Variants in CDK6 observed in about 807,000 individuals in gnomAD.
The protein encoded by CDK6 is cyclin dependent kinase 6, also known as cyclin-dependent kinase 6.
CDK6 carries 6 observed loss-of-function variants against 37.1 expected under a neutral mutation model. The ratio of observed to expected loss-of-function variants is 0.16; its 90% confidence interval spans 0.09 to 0.32. CDK6 has a LOEUF of 0.32. Among genes scored for constraint, CDK6 ranks in the 10% least tolerant of loss-of-function variants. The probability of loss-of-function intolerance (pLI) is 1.00; values close to 1 mark genes in which losing one functional copy is unlikely to be tolerated. For synonymous variants in CDK6, 160 were observed against 161.3 expected, an observed-to-expected ratio of 0.99 and a Z score of 0.06; for missense variants, 224 against 418.9, an observed-to-expected ratio of 0.53 and a Z score of 4.06.
intron 2 of CDK6, among the ~76,000 whole-genome samples, chr7:92,776,471 T>C (rs1799853997): frequency 6.6e-6 from 1 of 152,188 alleles, no homozygotes; most frequent in Non-Finnish European, 1.5e-5. Context: ...TCTAGATCCT[T>C]AAGGAATTGC....
intron 5 of CDK6, 29 bp downstream of exon 5, chr7:92,671,397 A>G (rs777451996): frequency 7.3e-7 from 1 of 1,372,020 alleles, no homozygotes; most frequent in Non-Finnish European, 1.0e-6. Flanking sequence ...TTTCAAGGAA[A>G]GCAGAGTGAA....
At position 92,624,541 on chromosome 7, in the gene CDK6, T is replaced by C. The variant is rs527664966; in HGVS notation, c.648-1455A>G. On this transcript the variant is annotated intron_variant, in intron 5 of 7. Coordinates refer to ENST00000424848, the MANE Select transcript of CDK6 (RefSeq NM_001145306.2). The stretch of plus-strand genomic sequence containing the variant: ...TCCAGAACTGTGAGAAAATAAGCTT[T>C]TGTTGGTTAAGCAATCCAGTCTGGT... Among the ~76,000 whole-genome samples, 33 of 152,224 alleles carry C rather than the reference T, an allele frequency of 2.2e-4. No homozygotes were observed. The South Asian group carries it at 5.8e-3, about 27-fold the overall frequency.
At chr7:92,786,627 G>C (rs897907333) in intron 2 of CDK6, among the ~76,000 whole-genome samples, 1 of 140,878 alleles carries the variant, frequency 7.1e-6, no homozygotes, top group Non-Finnish European at 1.5e-5. Context: ...GTGTGTGTGT[G>C]TGTGTATACA....
At chr7:92,825,316 G>A (rs1350916209) in intron 2 of CDK6, among the ~76,000 whole-genome samples, 2 of 152,046 alleles carry the variant, frequency 1.3e-5, no homozygotes, top group South Asian at 2.1e-4. Flanking sequence ...TCTAAATGGC[G>A]CATATTCTGT....
At chr7:92,629,520 A>G (rs933192115) in intron 5 of CDK6, among the ~76,000 whole-genome samples, 3 of 152,108 alleles carry the variant, frequency 2.0e-5, no homozygotes, top group Non-Finnish European at 2.9e-5. Flanking sequence ...TTTCTGAAAC[A>G]TTACAAAACT....
intron 3 of CDK6, among the ~76,000 whole-genome samples, chr7:92,770,261 A>C (rs1799677707): frequency 6.6e-6 from 1 of 150,962 alleles, no homozygotes; most frequent in Non-Finnish European, 1.5e-5. Context: ...TCAAGAAAAG[A>C]GGTTAAATAA....
At chr7:92,728,755 CTACT>C (rs1306471339) in intron 3 of CDK6, among the ~76,000 whole-genome samples, 1 of 152,064 alleles carries the variant, frequency 6.6e-6, no homozygotes, top group Non-Finnish European at 1.5e-5. Context: ...TTTTATTAGG[CTACT>C]TAAATTTTTT....
chr7:92,740,877 C>T (rs530448134), intron 3 of CDK6, among the ~76,000 whole-genome samples: 9 of 152,226 alleles, frequency 5.9e-5, no homozygotes, highest in South Asian at 2.1e-4. Context: ...CCCAGGTACA[C>T]GTGGCCCCTC....
At chr7:92,800,078 T>C (rs1276081389) in intron 2 of CDK6, among the ~76,000 whole-genome samples, 1 of 152,188 alleles carries the variant, frequency 6.6e-6, no homozygotes, top group African/African-American at 2.4e-5. Flanking sequence ...GCTACCCACA[T>C]TGGCCAATTC....
intron 2 of CDK6, among the ~76,000 whole-genome samples, chr7:92,790,924 T>A (rs967951403): frequency 1.3e-5 from 2 of 152,154 alleles, no homozygotes; most frequent in Non-Finnish European, 2.9e-5. Context: ...AAACTTTGTA[T>A]GCTACAAAGA....
At chr7:92,824,994 T>C (rs1801273612) in intron 2 of CDK6, among the ~76,000 whole-genome samples, 1 of 152,102 alleles carries the variant, frequency 6.6e-6, no homozygotes, top group Admixed American at 6.6e-5. Flanking sequence ...TTTGAAAAAC[T>C]TATTATGGAA....
chr7:92,693,729 C>T (rs944096098), intron 4 of CDK6, among the ~76,000 whole-genome samples: 2 of 152,140 alleles, frequency 1.3e-5, no homozygotes, highest in South Asian at 2.1e-4. Flanking sequence ...GAATTAGCCT[C>T]TGTGAATAGC....
At chr7:92,753,517 G>A (rs1799237458) in intron 3 of CDK6, among the ~76,000 whole-genome samples, 1 of 152,030 alleles carries the variant, frequency 6.6e-6, no homozygotes, top group South Asian at 2.1e-4. Flanking sequence ...TTTTGAGACG[G>A]AGTCTTGCTC....
chr7:92,616,765 C>A (rs970662769), intron 7 of CDK6, among the ~76,000 whole-genome samples: 2 of 152,064 alleles, frequency 1.3e-5, no homozygotes, highest in African/African-American at 4.8e-5. Flanking sequence ...GAGAGGAAGC[C>A]CTTTCCTCAC....
At position 92,786,391 on chromosome 7, in the gene CDK6, C is replaced by T. The variant is rs1360442406; in HGVS notation, c.234-11560G>A. 2.0e-5 allele frequency among the ~76,000 whole-genome samples: 3 copies of T among 152,212 alleles called. No individual in the cohort carries two copies. In the East Asian group the frequency reaches 5.8e-4, roughly 29 times the overall value. On this transcript the variant is annotated intron_variant, in intron 2 of 7. Coordinates refer to ENST00000424848, the MANE Select transcript of CDK6 (RefSeq NM_001145306.2). ...AATAAAACAATCACTGAAGTTAGTT[C>T]CTTTTAAGGAAACTTTTGATCATAA...
At chr7:92,790,237 G>A (rs767243071) in intron 2 of CDK6, among the ~76,000 whole-genome samples, 10 of 152,018 alleles carry the variant, frequency 6.6e-5, no homozygotes, top group South Asian at 2.1e-4. Context: ...TCAAATAATC[G>A]TAGATTGTTT....
chr7:92,674,007 T>C (rs1797149583), intron 4 of CDK6, among the ~76,000 whole-genome samples: 1 of 151,984 alleles, frequency 6.6e-6, no homozygotes, highest in South Asian at 2.1e-4. Context: ...CTCGAACTCC[T>C]GAGCTCAGGC....
chr7:92,801,521 C>T (rs927083551), intron 2 of CDK6, among the ~76,000 whole-genome samples: 3 of 152,162 alleles, frequency 2.0e-5, no homozygotes, highest in Non-Finnish European at 4.4e-5. Context: ...AGGTGTCCTG[C>T]CCAGGATCTC....
intron 2 of CDK6, among the ~76,000 whole-genome samples, chr7:92,828,389 A>C (rs1462230693): frequency 1.3e-5 from 2 of 152,166 alleles, no homozygotes; most frequent in African/African-American, 4.8e-5. Context: ...TCCATCAAAC[A>C]AACAAACAAA....
Sources: gnomAD v4.1 joint callset for allele counts (sites outside exome capture counted in the v4.1 genomes callset) on GRCh38, gnomAD v4.1.1 for gene constraint, MANE v1.5 for transcripts, NCBI Gene and HGNC (gene_info 2026-07-23, HGNC 2026-07-21) for gene names.